TMC1: variants seen among roughly 807,000 people sequenced by gnomAD.
TMC1 encodes the protein transmembrane channel-like protein 1.
Under a neutral mutation model 105.8 loss-of-function variants are expected in TMC1, and 84 were observed. The observed-to-expected ratio is 0.79, with a 90% confidence interval of 0.67 to 0.95. The LOEUF is 0.95. TMC1 is among the 40% of genes least tolerant of loss of function. TMC1 has a pLI of 0.00. For synonymous variants in TMC1, 315 were observed against 311.5 expected (o/e 1.01, Z -0.12); for missense variants, 817 against 914.1 (o/e 0.89, Z 1.37).
At chr9:72,657,308 T>G (rs1221706167) in intron 5 of TMC1, among the ~76,000 whole-genome samples, 1 of 152,198 alleles carries the variant, frequency 6.6e-6, no homozygotes, top group Non-Finnish European at 1.5e-5. Flanking sequence ...TTCCTTCCCT[T>G]TCAGAGATCA....
At chr9:72,650,637 C>G (rs898859266) in intron 5 of TMC1, among the ~76,000 whole-genome samples, 5 of 151,490 alleles carry the variant, frequency 3.3e-5, no homozygotes, top group Non-Finnish European at 7.4e-5. Flanking sequence ...GTTTTCTTTT[C>G]TCCTCCCCTC....
At chr9:72,560,624 A>G (rs1013392609) in intron 1 of TMC1, among the ~76,000 whole-genome samples, 6 of 151,816 alleles carry the variant, frequency 4.0e-5, no homozygotes, top group African/African-American at 1.5e-4. Flanking sequence ...TCAGCCTCCT[A>G]AATAGCTGGG....
intron 2 of TMC1, among the ~76,000 whole-genome samples, chr9:72,587,714 A>T (rs1048384089): frequency 6.6e-6 from 1 of 152,152 alleles, no homozygotes; most frequent in Non-Finnish European, 1.5e-5. Context: ...ATTGCATTTT[A>T]TTGGCCACAA....
At chr9:72,827,889 AC>A (rs942855785) in intron 21 of TMC1, among the ~76,000 whole-genome samples, 2 of 152,032 alleles carry the variant, frequency 1.3e-5, no homozygotes, top group African/African-American at 4.8e-5. Flanking sequence ...CAGGGAGAAA[AC>A]TCCCAGTGGT....
chr9:72,552,052 C>T (rs1261373776), intron 1 of TMC1, among the ~76,000 whole-genome samples: 1 of 151,752 alleles, frequency 6.6e-6, no homozygotes, highest in East Asian at 1.9e-4. Flanking sequence ...TGTTTTAAGA[C>T]ACCCACCATG....
chr9:72,600,521 T>C (rs1259592928), intron 2 of TMC1, among the ~76,000 whole-genome samples: 5 of 152,204 alleles, frequency 3.3e-5, no homozygotes, highest in African/African-American at 4.8e-5. Context: ...AGTTTCATAA[T>C]AGATCTCTTG....
Position 72,740,182 on chromosome 9 carries a change from G to T in TMC1, c.426G>T (p.Trp142Cys). ...TTGGGAAAGGAAAAGGAAAACGGTGGTTTGCATTTAAGATGATGATGGCCA... is the reference window on the plus strand; with the variant it reads ...TTGGGAAAGGAAAAGGAAAACGGTGTTTTGCATTTAAGATGATGATGGCCA... Reference protein sequence around the residue: ...GALGKGKGKRWFAFKMMMAKK... With the variant: ...GALGKGKGKRCFAFKMMMAKK... Residue 142 changes from tryptophan (W) to cysteine (C), a missense_variant, in exon 9 of 24, where the codon TGG becomes TGT. Trp to Cys is a radical substitution (Grantham distance 215). Coordinates refer to ENST00000297784, the MANE Select transcript of TMC1 (RefSeq NM_138691.3). 4 of 1,613,662 alleles carry T rather than the reference G, an allele frequency of 2.5e-6. No individual in the cohort carries two copies. Among genetic ancestry groups the T allele is most frequent in the Non-Finnish European group, 3.4e-6 (4 of 1,179,746 alleles).
At chr9:72,741,499 G>C (rs1827389715) in intron 9 of TMC1, 2 of 250,402 alleles carry the variant, frequency 8.0e-6, no homozygotes, top group South Asian at 1.1e-4. Context: ...AGTCTTTGCT[G>C]ATCAGTAGAA....
chr9:72,796,151 T>C (rs1452675730), intron 17 of TMC1, among the ~76,000 whole-genome samples: 2 of 151,972 alleles, frequency 1.3e-5, no homozygotes, highest in African/African-American at 2.4e-5. Context: ...GACCTAACTA[T>C]CCTAAATATA....
chr9:72,547,296 A>AG (rs1823787964), intron 1 of TMC1, among the ~76,000 whole-genome samples: 1 of 151,806 alleles, frequency 6.6e-6, no homozygotes, highest in South Asian at 2.1e-4. Flanking sequence ...CAAAAAAAAA[A>AG]AAAAAAATGG....
chr9:72,627,910 T>C lies in TMC1; in HGVS notation c.-195-11T>C, dbSNP rs1825378212. On this transcript the variant is annotated splice_polypyrimidine_tract_variant and intron_variant, in intron 3 of 23. Transcript: ENST00000297784. Reference sequence around the variant, plus strand: ...AAATCTGTATTGGATTTTTTTTTTTTCATATTTTAGGATGCCAGAAGCCTC... The same window carrying C: ...AAATCTGTATTGGATTTTTTTTTTTCCATATTTTAGGATGCCAGAAGCCTC... The C allele has an allele frequency of 2.6e-6, 1 of 388,060 alleles. No individual in the cohort carries two copies. The highest frequency in any genetic ancestry group is 5.0e-6 in the Non-Finnish European group (1 of 198,920). 24.0% of individuals were successfully genotyped at this position (388,060 alleles called of 1,614,324 possible).
At chr9:72,806,958 C>T (rs549407111) in intron 18 of TMC1, among the ~76,000 whole-genome samples, 43 of 152,330 alleles carry the variant, frequency 2.8e-4, no homozygotes, top group African/African-American at 1.0e-3. Context: ...CGCCACTGCA[C>T]TCCAGCCTGG....
At chr9:72,550,111 T>C (rs756124680) in intron 1 of TMC1, among the ~76,000 whole-genome samples, 10 of 151,948 alleles carry the variant, frequency 6.6e-5, no homozygotes, top group Non-Finnish European at 1.5e-4. Flanking sequence ...GCAGGACAAA[T>C]TGCCCTGATA....
chr9:72,602,269 A>G (rs1042033034), intron 2 of TMC1, among the ~76,000 whole-genome samples: 1 of 152,116 alleles, frequency 6.6e-6, no homozygotes, highest in African/African-American at 2.4e-5. Context: ...TGAGAAAGTA[A>G]GACAACACAC....
At chr9:72,716,531 T>C (rs1437923005) in intron 8 of TMC1, among the ~76,000 whole-genome samples, 1 of 152,086 alleles carries the variant, frequency 6.6e-6, no homozygotes, top group African/African-American at 2.4e-5. Context: ...CTTCGTCCAG[T>C]TTGAACTTCC....
intron 10 of TMC1, among the ~76,000 whole-genome samples, chr9:72,743,457 C>T (rs1375904013): frequency 6.6e-6 from 1 of 150,624 alleles, no homozygotes; most frequent in African/African-American, 2.4e-5. Context: ...GTCCCAGCTA[C>T]TCAGGAAGCT....
intron 1 of TMC1, among the ~76,000 whole-genome samples, chr9:72,523,429 C>T (rs949326595): frequency 4.6e-5 from 7 of 152,106 alleles, no homozygotes; most frequent in Admixed American, 6.6e-5. Context: ...TTACCAATAA[C>T]ATAAACAGTT....
intron 8 of TMC1, among the ~76,000 whole-genome samples, chr9:72,739,588 T>C (rs920438470): frequency 1.3e-5 from 2 of 152,210 alleles, no homozygotes; most frequent in Admixed American, 1.3e-4. Flanking sequence ...TCTCTCTCTT[T>C]CTCTTCTCAA....
intron 5 of TMC1, among the ~76,000 whole-genome samples, chr9:72,663,924 C>A (rs2132163006): frequency 6.6e-6 from 1 of 151,954 alleles, no homozygotes; most frequent in Admixed American, 6.5e-5. Flanking sequence ...AAGACAGAAA[C>A]ACAATACCCT....
Sources: allele counts gnomAD v4.1 joint callset (sites outside exome capture counted in the v4.1 genomes callset), GRCh38; gene constraint gnomAD v4.1.1; transcripts MANE v1.5; gene names NCBI Gene and HGNC (gene_info 2026-07-23, HGNC 2026-07-21).